The following ECM2 variants were observed in gnomAD, a reference collection of about 807,000 sequenced individuals.
ECM2 encodes extracellular matrix protein 2, female organ and adipocyte specific.
Under a neutral mutation model 67.5 loss-of-function variants are expected in ECM2, and 57 were observed. That is an observed-to-expected ratio of 0.84 (90% confidence interval 0.68 to 1.05). The LOEUF (loss-of-function observed/expected upper bound fraction) is 1.05, where lower values mean the gene tolerates loss of function less well. ECM2 is among the 50% of genes least tolerant of loss of function. The probability of loss-of-function intolerance (pLI) is 0.00; values close to 1 mark genes in which losing one functional copy is unlikely to be tolerated. For synonymous variants in ECM2, 258 were observed against 294.5 expected (o/e 0.88, Z 1.27); for missense variants, 741 against 822.8 (o/e 0.90, Z 1.22).
At chr9:92,501,087 C>T (rs369582601) in intron 8 of ECM2, 34 bp from the exon 9 acceptor site, 1 of 1,592,752 alleles carries the variant, frequency 6.3e-7, no homozygotes, top group Non-Finnish European at 8.6e-7. Context: ...AGGGTAGGGA[C>T]ATCAGGATGG....
At position 92,495,710 on chromosome 9, in the gene ECM2, T is replaced by C. The variant is rs976659000; in HGVS notation, c.*605A>G. On this transcript the variant is annotated 3_prime_UTR_variant, in exon 10 of 10. Coordinates refer to ENST00000344604, the MANE Select transcript of ECM2 (RefSeq NM_001393.4). Reference sequence around the variant, plus strand: ...TTAATGTTAACAATGTACATAACCATAATATGATTTTCAAAACCAGGAAAT... The same window carrying C: ...TTAATGTTAACAATGTACATAACCACAATATGATTTTCAAAACCAGGAAAT... 2 of 900,882 alleles carry C rather than the reference T, an allele frequency of 2.2e-6. No individual in the cohort carries two copies. The highest frequency in any genetic ancestry group is 2.7e-6 in the Non-Finnish European group (2 of 753,296). 55.8% of individuals were successfully genotyped at this position (900,882 alleles called of 1,614,324 possible). A position where few individuals can be genotyped will look rare whatever the true frequency, so the allele number is the denominator to read the frequency against.
intron 7 of ECM2, among the ~76,000 whole-genome samples, chr9:92,504,263 A>T (rs1846858095): frequency 6.6e-6 from 1 of 152,246 alleles, no homozygotes; most frequent in South Asian, 2.1e-4. Flanking sequence ...AAGCCAGCCT[A>T]CTGATAAATG....
At chr9:92,548,089 T>C in the ECM2 span, among the ~76,000 whole-genome samples, 2 of 152,212 alleles carry the variant, frequency 1.3e-5, no homozygotes, top group Admixed American at 6.5e-5. Flanking sequence ...GACACACAAT[T>C]AATATATAAA....
In ECM2 at chr9:92,510,019, T is replaced by A. The variant is rs139215803; in HGVS notation, c.1186A>T (p.Met396Leu). ...TTATTTCCATCCATATTCAAACGCA[T>A]TAACTTCTTCAGAAGCTTAAAAAGC... ...PKAFKLLKKL[M>L]RLNMDGNNLI... is the part of the protein sequence containing the mutation. Residue 396 changes from methionine (M) to leucine (L), a missense_variant, in exon 6 of 10, where the codon ATG becomes TTG. Met to Leu is a conservative substitution (Grantham distance 15). Transcript: ENST00000344604. 1,476 of 1,599,908 alleles carry A rather than the reference T, an allele frequency of 9.2e-4. 1 individual carries two copies. Among genetic ancestry groups the A allele is most frequent in the Non-Finnish European group, 1.2e-3 (1,358 of 1,176,050 alleles).
At chr9:92,541,529 T>C (rs1415383524), upstream of ECM2, among the ~76,000 whole-genome samples, 1 of 150,684 alleles carries the variant, frequency 6.6e-6, no homozygotes, top group Non-Finnish European at 1.5e-5. Flanking sequence ...CCTGGCTAAT[T>C]TGAGTTAGAT....
chr9:92,537,776 C>A (rs1444873873), upstream of ECM2, among the ~76,000 whole-genome samples: 1 of 152,188 alleles, frequency 6.6e-6, no homozygotes, highest in Non-Finnish European at 1.5e-5. Flanking sequence ...GAAGATTTCT[C>A]AATCTCAGTA....
intron 1 of ECM2, among the ~76,000 whole-genome samples, chr9:92,526,356 A>G (rs1430179482): frequency 6.6e-6 from 1 of 152,260 alleles, no homozygotes; most frequent in Non-Finnish European, 1.5e-5. Context: ...GTTATTAAGA[A>G]GGAATTTTTT....
chr9:92,509,841 A>C (rs1185673025), intron 6 of ECM2, 58 bp downstream of exon 6: 2 of 1,497,300 alleles, frequency 1.3e-6, no homozygotes, highest in Admixed American at 2.6e-5. Flanking sequence ...AAATTTCTAC[A>C]GGACTATATA....
intron 4 of ECM2, among the ~76,000 whole-genome samples, chr9:92,513,011 A>G (rs147552058): frequency 9.8e-4 from 149 of 152,274 alleles, no homozygotes; most frequent in African/African-American, 3.3e-3. Flanking sequence ...ATTATGTTTG[A>G]CACTGGCAGT....
chr9:92,549,841 C>T, the ECM2 span, among the ~76,000 whole-genome samples: 1 of 152,120 alleles, frequency 6.6e-6, no homozygotes, highest in South Asian at 2.1e-4. Context: ...TTCTCTTACT[C>T]CCTGAGCAAA....
Position 92,495,831 on chromosome 9 carries a change from C to T in ECM2, c.*484G>A. 1 of 964,466 alleles carries T rather than the reference C, an allele frequency of 1.0e-6. No homozygotes were observed. The highest frequency in any genetic ancestry group is 1.2e-6 in the Non-Finnish European group (1 of 810,956). 59.7% of individuals were successfully genotyped at this position (964,466 alleles called of 1,614,324 possible). On this transcript the variant is annotated 3_prime_UTR_variant, in exon 10 of 10. Coordinates refer to ENST00000344604, the MANE Select transcript of ECM2 (RefSeq NM_001393.4). ...GTTATATTTATACCAGTAATTATAG[C>T]ACAGGACCTTATAAGAAATTAACAA...
intron 1 of ECM2, among the ~76,000 whole-genome samples, chr9:92,533,506 T>G (rs1309461497): frequency 6.6e-6 from 1 of 151,148 alleles, no homozygotes; most frequent in Non-Finnish European, 1.5e-5. Context: ...CAGATGCTTC[T>G]AGAAGAAAAA....
rs767576492 is a variant in ECM2, at chr9:92,500,780, C to T, written c.1878G>A (p.Gly626=). 6.2e-7 allele frequency: 1 copy of T among 1,614,052 alleles called. No individual in the cohort carries two copies. The highest frequency in any genetic ancestry group is 8.5e-7 in the Non-Finnish European group (1 of 1,180,008). Residue 626 remains glycine, a synonymous_variant, in exon 9 of 10, where the codon GGG becomes GGA. Coordinates refer to ENST00000344604, the MANE Select transcript of ECM2 (RefSeq NM_001393.4). ...DHNDLKSIPP[G]IQEMKALHFL... ...AATGTAGTGCTTTCATTTCTTGTAT[C>T]CCAGGTGGTATAGATTTTAAGTCAT... is the stretch of plus-strand genomic sequence containing the variant.
In ECM2 at chr9:92,496,525, A is replaced by G. The variant is rs761980811; in HGVS notation, c.1932-42T>C. 17 of 1,582,470 alleles carry G rather than the reference A, an allele frequency of 1.1e-5. No homozygotes were observed. The East Asian group carries it at 3.8e-4, about 36-fold the overall frequency. On this transcript the variant is annotated intron_variant, in intron 9 of 9. Coordinates refer to ENST00000344604, the MANE Select transcript of ECM2 (RefSeq NM_001393.4). ...ATGCAAGTCACACATGGTCCCAGTA[A>G]TAATCTGCCTTTAGGAGTTAAGTTT...
chr9:92,496,638 T>C lies in ECM2; in HGVS notation c.1932-155A>G, dbSNP rs550393267. Among the ~76,000 whole-genome samples, 3 of 152,316 alleles carry C rather than the reference T, an allele frequency of 2.0e-5. No individual in the cohort carries two copies. In the South Asian group the frequency reaches 6.2e-4, roughly 32 times the overall value. ...TCCAACTACGTCAGAGATTCAAATGTGAAAGATGAAGCCATAGAAGCACTA... is the reference window on the plus strand; with the variant it reads ...TCCAACTACGTCAGAGATTCAAATGCGAAAGATGAAGCCATAGAAGCACTA... On this transcript the variant is annotated intron_variant, in intron 9 of 9. Transcript: ENST00000344604.
chr9:92,500,637 A>T, intron 9 of ECM2, 90 bp downstream of exon 9: 1 of 1,339,626 alleles, frequency 7.5e-7, no homozygotes, highest in African/African-American at 1.5e-5. Flanking sequence ...TTTTCCCTTA[A>T]CGTAAATCCC....
At chr9:92,517,429 A>C (rs1847797647) in intron 3 of ECM2, 1 of 592,856 alleles carries the variant, frequency 1.7e-6, no homozygotes, top group African/African-American at 1.9e-5. Context: ...TCTAAAGCTG[A>C]GAGTCAAATG....
upstream of ECM2, among the ~76,000 whole-genome samples, chr9:92,541,216 G>A (rs183534224): frequency 2.6e-5 from 4 of 151,962 alleles, no homozygotes; most frequent in African/African-American, 7.3e-5. Flanking sequence ...CCAAGATTGC[G>A]CCACTGCACG....
At chr9:92,505,788 G>T in intron 6 of ECM2, 98 bp from the exon 7 acceptor site, 1 of 992,664 alleles carries the variant, frequency 1.0e-6, no homozygotes, top group Non-Finnish European at 1.5e-6. Context: ...CGGTTTATTT[G>T]GAGGGCAAAT....
Sources: gnomAD v4.1 joint callset for allele counts (sites outside exome capture counted in the v4.1 genomes callset) on GRCh38, gnomAD v4.1.1 for gene constraint, MANE v1.5 for transcripts, NCBI Gene and HGNC (gene_info 2026-07-23, HGNC 2026-07-21) for gene names.